The following PAM variants were observed in gnomAD, a reference collection of about 807,000 sequenced individuals.
PAM encodes peptidyl-glycine alpha-amidating monooxygenase.
Under a neutral mutation model 122.1 loss-of-function variants are expected in PAM, and 72 were observed. The ratio of observed to expected loss-of-function variants is 0.59; its 90% CI spans 0.49 to 0.72. PAM has a LOEUF of 0.72. Among genes scored for constraint, PAM ranks in the 30% least tolerant of loss-of-function variants. The pLI, the probability that PAM is intolerant of heterozygous loss-of-function variation, is 0.00. For synonymous variants in PAM, 389 were observed against 404.4 expected (o/e 0.96, Z 0.46); for missense variants, 1,106 against 1,183.7 (o/e 0.93, Z 0.96).
rs184627769 is a variant in PAM, at chr5:102,946,453, C to A, written c.527-384C>A. ...TACACTTCTTAGAAAATAAAAAAGT[C>A]TTTTGTTTGGTGCAGCATGGAGCAA... is the stretch of plus-strand genomic sequence containing the variant. On this transcript the variant is annotated intron_variant, in intron 7 of 25. Transcript: ENST00000438793. Among the ~76,000 whole-genome samples the A allele has an allele frequency of 3.5e-3, 524 of 151,596 alleles. 2 individuals carry two copies. Among genetic ancestry groups the A allele is most frequent in the African/African-American group, 0.012 (508 of 41,268 alleles).
chr5:102,829,269 A>G (rs1774652140), intron 1 of PAM, among the ~76,000 whole-genome samples: 1 of 152,154 alleles, frequency 6.6e-6, no homozygotes, highest in Non-Finnish European at 1.5e-5. Flanking sequence ...AAAGTTGCTA[A>G]ATTTTGAAAA....
At chr5:102,839,562 G>A (rs1229165195) in intron 1 of PAM, among the ~76,000 whole-genome samples, 1 of 150,450 alleles carries the variant, frequency 6.6e-6, no homozygotes, top group Non-Finnish European at 1.5e-5. Flanking sequence ...AAAAAATTGT[G>A]CCAGTTACAT....
chr5:102,996,986 A>C (rs971279326), intron 16 of PAM, among the ~76,000 whole-genome samples: 1 of 152,182 alleles, frequency 6.6e-6, no homozygotes, highest in Non-Finnish European at 1.5e-5. Flanking sequence ...CAGATTCTCT[A>C]ATCAGTAAAT....
chr5:102,939,982 C>T (rs1754565244), intron 7 of PAM, among the ~76,000 whole-genome samples: 1 of 151,900 alleles, frequency 6.6e-6, no homozygotes, highest in Non-Finnish European at 1.5e-5. Flanking sequence ...AGTTTTGCTG[C>T]CAGGTTACCC....
At chr5:102,796,084 G>A (rs1383158019) in intron 1 of PAM, among the ~76,000 whole-genome samples, 2 of 152,102 alleles carry the variant, frequency 1.3e-5, no homozygotes, top group African/African-American at 2.4e-5. Context: ...ACAGATTTTT[G>A]GATCTGGGCC....
intron 1 of PAM, among the ~76,000 whole-genome samples, chr5:102,864,226 G>A (rs1784929973): frequency 7.1e-6 from 1 of 141,466 alleles, no homozygotes; most frequent in South Asian, 2.2e-4. Context: ...GTGAAGTATT[G>A]TCATTTGATA....
intron 3 of PAM, among the ~76,000 whole-genome samples, chr5:102,884,896 C>G (rs1792464884): frequency 6.6e-6 from 1 of 151,782 alleles, no homozygotes; most frequent in African/African-American, 2.4e-5. Context: ...ATAAAAATAG[C>G]AAGTACATTT....
At chr5:102,990,482 TGA>T in intron 16 of PAM, 81 bp downstream of exon 16, 3 of 1,036,128 alleles carry the variant, frequency 2.9e-6, no homozygotes, top group Non-Finnish European at 4.1e-6. Flanking sequence ...AGAATAATGG[TGA>T]GAGAACTATA....
chr5:102,967,438 T>C (rs1764430847), intron 14 of PAM, among the ~76,000 whole-genome samples: 1 of 152,212 alleles, frequency 6.6e-6, no homozygotes, highest in African/African-American at 2.4e-5. Flanking sequence ...TATTTTTATC[T>C]CTGCTAATGC....
chr5:102,821,129 T>C (rs1383532124), intron 1 of PAM, among the ~76,000 whole-genome samples: 1 of 152,196 alleles, frequency 6.6e-6, no homozygotes, highest in Non-Finnish European at 1.5e-5. Context: ...GACTATATCA[T>C]CACCTCTATT....
In PAM at chr5:102,858,045, A is replaced by G. The variant is rs545623326; in HGVS notation, c.-373-7778A>G. On this transcript the variant is annotated intron_variant, in intron 1 of 25. Coordinates refer to ENST00000438793, the MANE Select transcript of PAM (RefSeq NM_001177306.2). ...GCTTTAGATTCCTCATCTATAAAAC[A>G]GAATTAATAACCCATATCTCAAAGT... is the stretch of plus-strand genomic sequence containing the variant. Among the ~76,000 whole-genome samples, 32 of 152,352 alleles carry G rather than the reference A, an allele frequency of 2.1e-4. No individual in the cohort carries two copies. In the South Asian group the frequency reaches 6.4e-3, roughly 31 times the overall value.
intron 16 of PAM, among the ~76,000 whole-genome samples, chr5:102,991,485 C>T (rs775093027): frequency 7.9e-5 from 12 of 152,004 alleles, no homozygotes; most frequent in Admixed American, 2.6e-4. Flanking sequence ...TTTGGAAAAT[C>T]GAGGATCTAC....
intron 1 of PAM, among the ~76,000 whole-genome samples, chr5:102,802,604 T>C (rs1416353210): frequency 6.6e-6 from 1 of 152,098 alleles, no homozygotes; most frequent in African/African-American, 2.4e-5. Context: ...ATCCTTATTT[T>C]AAATATTAAA....
chr5:102,905,209 T>C (rs1178119074), intron 4 of PAM, among the ~76,000 whole-genome samples: 1 of 151,604 alleles, frequency 6.6e-6, no homozygotes, highest in East Asian at 1.9e-4. Flanking sequence ...TTACAGACAC[T>C]CAGCGGAATT....
rs556220449 is a variant in PAM, at chr5:102,899,800, G to A, written c.211-1556G>A. ...GAACCTAACTTTGACAAAACAAAAG[G>A]GAGGAGACCTTTTAGAAGCTGGGGT... On this transcript the variant is annotated intron_variant, in intron 3 of 25. Coordinates refer to ENST00000438793, the MANE Select transcript of PAM (RefSeq NM_001177306.2). 2.0e-5 allele frequency among the ~76,000 whole-genome samples: 3 copies of A among 151,780 alleles called. No individual in the cohort carries two copies. In the South Asian group the frequency reaches 6.2e-4, roughly 31 times the overall value.
intron 15 of PAM, among the ~76,000 whole-genome samples, chr5:102,982,800 G>T (rs559170758): frequency 6.6e-6 from 1 of 152,086 alleles, no homozygotes; most frequent in East Asian, 1.9e-4. Context: ...TCAATGTAAG[G>T]ACACAAGAAA....
intron 15 of PAM, 193 bp downstream of exon 15, chr5:102,974,629 A>G (rs1300541080): frequency 4.4e-6 from 2 of 454,126 alleles, no homozygotes; most frequent in South Asian, 5.0e-5. Flanking sequence ...GTTTTGGTCT[A>G]TTACTGCATA....
chr5:103,001,397 GATA>G (rs1202830732), intron 16 of PAM, among the ~76,000 whole-genome samples: 4 of 151,842 alleles, frequency 2.6e-5, no homozygotes, highest in Admixed American at 2.6e-4. Flanking sequence ...CATTTCAGTT[GATA>G]ATGACCCCAT....
intron 16 of PAM, among the ~76,000 whole-genome samples, chr5:103,002,225 T>C (rs1235108325): frequency 5.3e-5 from 8 of 152,164 alleles, no homozygotes; most frequent in East Asian, 3.8e-4. Context: ...ATGTCTGTGA[T>C]AATTGTGAAT....
Sources: allele counts gnomAD v4.1 joint callset (sites outside exome capture counted in the v4.1 genomes callset), GRCh38; gene constraint gnomAD v4.1.1; transcripts MANE v1.5; gene names NCBI Gene and HGNC (gene_info 2026-07-23, HGNC 2026-07-21).